The following VPS53 variants were observed in gnomAD, a reference collection of about 807,000 sequenced individuals.
The protein encoded by VPS53 is vacuolar protein sorting-associated protein 53 homolog.
In VPS53, 70 loss-of-function variants were observed where a neutral mutation model predicts 107.0. The ratio of observed to expected loss-of-function variants is 0.65; its 90% CI spans 0.54 to 0.80. VPS53 has a LOEUF of 0.80. VPS53 is among the 30% of genes least tolerant of loss of function. The pLI is 0.00. For synonymous variants in VPS53, 409 were observed against 393.3 expected (o/e 1.04, Z -0.47); for missense variants, 917 against 1,049.4 (o/e 0.87, Z 1.74).
chr17:662,031 T>A, intron 4 of VPS53, 136 bp from the exon 5 acceptor site: 2 of 759,264 alleles, frequency 2.6e-6, no homozygotes. Context: ...ACAATTTTTC[T>A]GGACCAAAAT....
Position 642,196 on chromosome 17 carries a change from C to T in VPS53, c.609-10568G>A, listed in dbSNP as rs975887306. 2.0e-5 allele frequency among the ~76,000 whole-genome samples: 3 copies of T among 152,230 alleles called. No homozygotes were observed. In the East Asian group the frequency reaches 5.8e-4, roughly 29 times the overall value. On this transcript the variant is annotated intron_variant, in intron 7 of 21. Transcript: ENST00000437048. ...AACAGCAGGGTTAATTAGTCAAATG[C>T]TACAGTTCCAAACAGACACCATAAA...
In VPS53 at chr17:562,755, A is replaced by G. The variant is rs368942570; in HGVS notation, c.1314-10T>C. On this transcript the variant is annotated splice_polypyrimidine_tract_variant and intron_variant, in intron 13 of 21. Transcript: ENST00000437048. ...CAGCTCTCCGAGGTTCCTAGGAGGAAAAAAAAAAACCAAAAATGTTATTTT... is the reference window on the plus strand; with the variant it reads ...CAGCTCTCCGAGGTTCCTAGGAGGAGAAAAAAAAACCAAAAATGTTATTTT... 18 of 1,564,660 alleles carry G rather than the reference A, an allele frequency of 1.2e-5. No individual in the cohort carries two copies. The highest frequency in any genetic ancestry group is 1.6e-5 in the Non-Finnish European group (18 of 1,154,480).
Position 670,353 on chromosome 17 carries a change from T to C in VPS53, c.286-8458A>G, listed in dbSNP as rs566835911. On this transcript the variant is annotated intron_variant, in intron 4 of 21. Coordinates refer to ENST00000437048, the MANE Select transcript of VPS53 (RefSeq NM_001128159.3). The stretch of plus-strand genomic sequence containing the variant: ...TGAAAAGCAACCCACTGAATTAGCC[T>C]AGAAGGCTCAGCAAAACCAATTCCA... Among the ~76,000 whole-genome samples the C allele has an allele frequency of 6.6e-5, 10 of 152,294 alleles. No homozygotes were observed. In the South Asian group the frequency reaches 2.1e-3, roughly 32 times the overall value.
intron 13 of VPS53, among the ~76,000 whole-genome samples, chr17:565,264 G>A (rs1420601270): frequency 8.6e-5 from 13 of 151,824 alleles, no homozygotes; most frequent in South Asian, 2.1e-4. Context: ...TTAGCCAGGC[G>A]TGGTGGCGGG....
At chr17:711,255 T>C (rs1973633019) in intron 1 of VPS53, among the ~76,000 whole-genome samples, 1 of 152,164 alleles carries the variant, frequency 6.6e-6, no homozygotes, top group Non-Finnish European at 1.5e-5. Context: ...CCTAACAACC[T>C]GAAGAACACG....
At chr17:693,181 T>C (rs779857760) in intron 4 of VPS53, among the ~76,000 whole-genome samples, 8 of 152,126 alleles carry the variant, frequency 5.3e-5, no homozygotes, top group Non-Finnish European at 8.8e-5. Context: ...AGGCTGGGTA[T>C]AGCCTAGCAG....
Position 631,603 on chromosome 17 carries a change from C to T in VPS53, c.634G>A (p.Gly212Arg). ...ERVKAAQTELGQQILADFEEA... is the reference protein window; with the variant it reads ...ERVKAAQTELRQQILADFEEA... ...TCAAAATCTGCCAGGATTTGCTGTCCTAACTCAGTCTGTGCAGCCTTCACT... is the reference window on the plus strand; with the variant it reads ...TCAAAATCTGCCAGGATTTGCTGTCTTAACTCAGTCTGTGCAGCCTTCACT... Residue 212 changes from glycine to arginine, a missense_variant, in exon 8 of 22, where the codon GGA (glycine) becomes AGA (arginine). Gly to Arg is a moderately radical substitution (Grantham distance 125, BLOSUM62 -2). Coordinates refer to ENST00000437048, the MANE Select transcript of VPS53 (RefSeq NM_001128159.3). The T allele has an allele frequency of 6.2e-7, 1 of 1,614,036 alleles. No individual in the cohort carries two copies. Among genetic ancestry groups the T allele is most frequent in the Non-Finnish European group, 8.5e-7 (1 of 1,179,976 alleles).
At chr17:535,840 C>T (rs986275926) in intron 18 of VPS53, among the ~76,000 whole-genome samples, 4 of 152,268 alleles carry the variant, frequency 2.6e-5, no homozygotes, top group African/African-American at 9.6e-5. Context: ...ACACCACAAG[C>T]CGCTCCATAA....
intron 4 of VPS53, among the ~76,000 whole-genome samples, chr17:694,273 C>T (rs1039665608): frequency 2.0e-5 from 3 of 152,170 alleles, no homozygotes; most frequent in African/African-American, 7.2e-5. Flanking sequence ...GAAATACGAC[C>T]TGCTCTGCTG....
At chr17:565,455 A>G (rs1366835226) in intron 13 of VPS53, among the ~76,000 whole-genome samples, 1 of 151,670 alleles carries the variant, frequency 6.6e-6, no homozygotes, top group African/African-American at 2.4e-5. Flanking sequence ...AGTCTATTAT[A>G]TCCAGATACA....
intron 11 of VPS53, among the ~76,000 whole-genome samples, chr17:608,451 G>A (rs981585477): frequency 7.2e-5 from 11 of 152,134 alleles, no homozygotes; most frequent in Non-Finnish European, 1.0e-4. Flanking sequence ...GTGTGCAAGC[G>A]TGCTTGCAGA....
intron 4 of VPS53, among the ~76,000 whole-genome samples, chr17:673,258 T>G (rs1972037350): frequency 6.6e-6 from 1 of 151,964 alleles, no homozygotes; most frequent in African/African-American, 2.4e-5. Flanking sequence ...CCACTGAGGG[T>G]GGACACCAAG....
intron 5 of VPS53, chr17:656,653 C>T (rs774732797): frequency 1.3e-4 from 71 of 538,196 alleles, no homozygotes; most frequent in Non-Finnish European, 1.5e-4. Context: ...TTACTAACAC[C>T]CAGGTGAAAT....
intron 13 of VPS53, among the ~76,000 whole-genome samples, chr17:570,361 C>T (rs1331167770): frequency 2.0e-5 from 2 of 98,978 alleles, no homozygotes; most frequent in African/African-American, 8.7e-5. Context: ...TAGAGTGAAA[C>T]GACTCTGTCT....
chr17:640,291 C>T (rs1970372392), intron 7 of VPS53, among the ~76,000 whole-genome samples: 1 of 152,092 alleles, frequency 6.6e-6, no homozygotes, highest in African/African-American at 2.4e-5. Context: ...TTCCAGGTGC[C>T]GTCTGTCACA....
chr17:572,103 C>A (rs1299178071), intron 13 of VPS53, among the ~76,000 whole-genome samples: 1 of 151,154 alleles, frequency 6.6e-6, no homozygotes, highest in Non-Finnish European at 1.5e-5. Flanking sequence ...GTGAGGAGCG[C>A]CTCTTCCCGG....
At chr17:708,826 C>T (rs1168950551) in intron 2 of VPS53, among the ~76,000 whole-genome samples, 2 of 152,212 alleles carry the variant, frequency 1.3e-5, no homozygotes, top group Non-Finnish European at 2.9e-5. Context: ...ATACTAAAGA[C>T]TAATGATTGA....
At chr17:525,161 C>CA (rs895674184) in intron 19 of VPS53, among the ~76,000 whole-genome samples, 10 of 150,890 alleles carry the variant, frequency 6.6e-5, no homozygotes, top group African/African-American at 9.7e-5. Flanking sequence ...GTAAGTTGGG[C>CA]AAAAAAAAGC....
Position 700,475 on chromosome 17 carries a change from C to T in VPS53, c.169-1095G>A, listed in dbSNP as rs192879176. Among the ~76,000 whole-genome samples, 357 of 152,164 alleles carry T rather than the reference C, an allele frequency of 2.3e-3. 3 individuals carry two copies. The highest frequency in any genetic ancestry group is 8.3e-3 in the African/African-American group (346 of 41,526). On this transcript the variant is annotated intron_variant, in intron 2 of 21. Coordinates refer to ENST00000437048, the MANE Select transcript of VPS53 (RefSeq NM_001128159.3). ...CTGCGGCAGGAGAATCGCTTGAACCCGGGAGGCAGAGGTTGCAGTGAGCTG... is the reference window on the plus strand; with the variant it reads ...CTGCGGCAGGAGAATCGCTTGAACCTGGGAGGCAGAGGTTGCAGTGAGCTG...
Sources: gnomAD v4.1 joint callset for allele counts (sites outside exome capture counted in the v4.1 genomes callset) on GRCh38, gnomAD v4.1.1 for gene constraint, MANE v1.5 for transcripts, NCBI Gene and HGNC (gene_info 2026-07-23, HGNC 2026-07-21) for gene names.